Variants in MAP3K4 observed in about 807,000 individuals in gnomAD.
The protein encoded by MAP3K4 is MAP three kinase 1.
Under a neutral mutation model 185.6 loss-of-function variants are expected in MAP3K4, and 67 were observed. That is an observed-to-expected ratio of 0.36 (90% CI 0.30 to 0.44). The LOEUF is 0.44. Among genes scored for constraint, MAP3K4 ranks in the 20% least tolerant of loss-of-function variants. The probability of loss-of-function intolerance (pLI) is 1.00; values close to 1 mark genes in which losing one functional copy is unlikely to be tolerated. For synonymous variants in MAP3K4, 702 were observed against 710.4 expected, an observed-to-expected ratio of 0.99 and a Z score of 0.19; for missense variants, 1,551 against 1,995.1, an observed-to-expected ratio of 0.78 and a Z score of 4.24.
chr6:161,031,033 GTTTTGTCTTATTTTAATAT>G (rs1241419942), intron 1 of MAP3K4, among the ~76,000 whole-genome samples: 3 of 152,116 alleles, frequency 2.0e-5, no homozygotes, highest in African/African-American at 7.2e-5. Context: ...AATATACTGT[GTTTTGTCTTATTTTAATAT>G]TTTGTTTATG....
chr6:161,085,513 G>A lies in MAP3K4; in HGVS notation c.2373-866G>A, dbSNP rs142012157. Reference sequence around the variant, plus strand: ...GTCATATGAGTCAAACTTGGCGAAAGCTCATATAGAACTGACTTCTCCAAA... The same window carrying A: ...GTCATATGAGTCAAACTTGGCGAAAACTCATATAGAACTGACTTCTCCAAA... On this transcript the variant is annotated intron_variant, in intron 7 of 26. Coordinates refer to ENST00000392142, the MANE Select transcript of MAP3K4 (RefSeq NM_005922.4). Among the ~76,000 whole-genome samples, 162 of 152,314 alleles carry A rather than the reference G, an allele frequency of 1.1e-3. 1 individual carries two copies. The highest frequency in any genetic ancestry group is 3.8e-3 in the African/African-American group (158 of 41,574).
intron 1 of MAP3K4, among the ~76,000 whole-genome samples, chr6:161,002,411 G>C (rs1781363897): frequency 6.6e-6 from 1 of 152,058 alleles, no homozygotes; most frequent in African/African-American, 2.4e-5. Context: ...AATAAAACTA[G>C]ATTGATCTAG....
Position 161,076,266 on chromosome 6 carries a change from C to T in MAP3K4, c.2097+2654C>T. ...AGCTGAGCCTGTCTCTCCAGGGATTCTGTTGTTGACTGAAGAGCTGCCCGA... is the reference window on the plus strand; with the variant it reads ...AGCTGAGCCTGTCTCTCCAGGGATTTTGTTGTTGACTGAAGAGCTGCCCGA... On this transcript the variant is annotated intron_variant, in intron 5 of 26. Coordinates refer to ENST00000392142, the MANE Select transcript of MAP3K4 (RefSeq NM_005922.4). The surrounding 1 kb of genome is among the most constrained non-coding windows in gnomAD (Gnocchi z 4.2). 6.6e-6 allele frequency among the ~76,000 whole-genome samples: 1 copy of T among 152,168 alleles called. No individual in the cohort carries two copies. Among genetic ancestry groups the T allele is most frequent in the South Asian group, 2.1e-4 (1 of 4,834 alleles).
At chr6:161,078,404 G>A (rs1411841944) in intron 5 of MAP3K4, among the ~76,000 whole-genome samples, 2 of 152,212 alleles carry the variant, frequency 1.3e-5, no homozygotes, top group East Asian at 1.9e-4. Flanking sequence ...TAGCAGTGCA[G>A]TTGAAAGGAT....
Position 161,102,742 on chromosome 6 carries a change from A to G in MAP3K4, c.3819A>G (p.Arg1273=). Residue 1273 remains arginine, a synonymous_variant, in exon 19 of 27, where the codon AGA becomes AGG. Transcript: ENST00000392142. ...PRGDSSGSTR[R]SWELRTLISQ... is the part of the protein sequence containing the mutation. Reference sequence around the variant, plus strand: ...GAGATTCAAGTGGGTCCACAAGAAGAAGTTGGGAACTTCGGACACTAATCA... The same window carrying G: ...GAGATTCAAGTGGGTCCACAAGAAGGAGTTGGGAACTTCGGACACTAATCA... The G allele has an allele frequency of 6.2e-7, 1 of 1,602,472 alleles. No homozygotes were observed. The highest frequency in any genetic ancestry group is 8.5e-7 in the Non-Finnish European group (1 of 1,176,632).
rs1369871458 is a variant in MAP3K4, at chr6:161,051,829, T to C, written c.1707+1850T>C. Among the ~76,000 whole-genome samples, 1 of 152,222 alleles carries C rather than the reference T, an allele frequency of 6.6e-6. No homozygotes were observed. Among genetic ancestry groups the C allele is most frequent in the South Asian group, 2.1e-4 (1 of 4,830 alleles). On this transcript the variant is annotated intron_variant, in intron 3 of 26. Coordinates refer to ENST00000392142, the MANE Select transcript of MAP3K4 (RefSeq NM_005922.4). This position sits in a 1 kb window ranked among gnomAD's most constrained non-coding sequence, Gnocchi z 4.2. The stretch of plus-strand genomic sequence containing the variant: ...GTAAATGCTGTGTAAATAGTTGTTA[T>C]ACTGTATCTTTTTTGTTTGTATTAT...
chr6:161,108,214 A>G lies in MAP3K4; in HGVS notation c.4119+245A>G, dbSNP rs1187274356. Among the ~76,000 whole-genome samples the G allele has an allele frequency of 1.3e-5, 2 of 152,218 alleles. No individual in the cohort carries two copies. Among genetic ancestry groups the G allele is most frequent in the Admixed American group, 1.3e-4 (2 of 15,284 alleles). On this transcript the variant is annotated intron_variant, in intron 21 of 26. Transcript: ENST00000392142. The surrounding 1 kb of genome is among the most constrained non-coding windows in gnomAD (Gnocchi z 5.7). The stretch of plus-strand genomic sequence containing the variant: ...AACAGCACAGGTGTGAGAAGGGCCT[A>G]TGAGGGTGGCAGAGCTGAGTCTGAT...
rs60792086 is a variant in MAP3K4 at position 161,065,909 on chromosome 6, G to A, written c.1708-4699G>A. The stretch of plus-strand genomic sequence containing the variant: ...GCCGAGATCGCGCCACTGCACTCCA[G>A]CCTGGGCAAAAGAGCAAGACTCCGT... On this transcript the variant is annotated intron_variant, in intron 3 of 26. Transcript: ENST00000392142. 9.5e-3 allele frequency among the ~76,000 whole-genome samples: 1,074 copies of A among 113,072 alleles called. 17 individuals are homozygous for A. The Middle Eastern group carries it at 0.12, about 12-fold the overall frequency. The allele number at this position is 113,072 out of a possible 152,430, so 74.2% of individuals were successfully genotyped here.
In MAP3K4 at chr6:161,111,840, C is replaced by G; in HGVS notation, c.4401C>G (p.Ala1467=). The G allele has an allele frequency of 1.2e-6, 2 of 1,611,846 alleles. No individual in the cohort carries two copies. The highest frequency in any genetic ancestry group is 1.7e-6 in the Non-Finnish European group (2 of 1,178,948). ...AACTACTTCTTTTCTTTTTAGGTGC[C>G]AATATCTTCCTTACCTCATCTGGAT... The part of the protein sequence containing the change: ...HGIVHRDIKG[A]NIFLTSSGLI... The change falls in exon 24 of 27, where the codon GCC becomes GCG. Residue 1467 remains alanine (A), a synonymous_variant. Transcript: ENST00000392142.
At position 160,992,009 on chromosome 6, in the gene MAP3K4, GCCA is replaced by G; in HGVS notation, c.81_83del (p.Pro36del). ...CTGCCGCCGCCATGGAGGAGCCGCC[GCCA>G]CCGCCGCCGCCGCCACCACCGCCAC... On this transcript the variant is annotated inframe_deletion, in exon 1 of 27. Coordinates refer to ENST00000392142, the MANE Select transcript of MAP3K4 (RefSeq NM_005922.4). 3.3e-6 allele frequency: 5 copies of G among 1,504,552 alleles called. No homozygotes were observed. The highest frequency in any genetic ancestry group is 3.6e-6 in the Non-Finnish European group (4 of 1,115,130). The allele number at this position is 1,504,552 out of a possible 1,614,324, so 93.2% of individuals were successfully genotyped here.
In MAP3K4 at chr6:161,098,319, CT is replaced by C. The variant is rs1170278495; in HGVS notation, c.3567del (p.Ala1190LeufsTer49). The C allele has an allele frequency of 7.6e-4, 4 of 5,252 alleles. No homozygotes were observed. The highest frequency in any genetic ancestry group is 8.7e-4 in the Non-Finnish European group (4 of 4,586). 0.3% of individuals were successfully genotyped at this position (5,252 alleles called of 1,614,324 possible). A position where few individuals can be genotyped will look rare whatever the true frequency, so the allele number is the denominator to read the frequency against. ...MPSDARSHGS[P>X]AAAAAAAAAA... Reference sequence around the variant, plus strand: ...TCCGACGCGCGGAGCCATGGCAGCCCTGCTGCTGCTGCTGCTGCTGCTGCTG... The same window carrying C: ...TCCGACGCGCGGAGCCATGGCAGCCCGCTGCTGCTGCTGCTGCTGCTGCTG... On this transcript the variant is annotated frameshift_variant, in exon 17 of 27. Transcript: ENST00000392142. LOFTEE classifies it high-confidence loss of function. This position sits in a 1 kb window ranked among gnomAD's most constrained non-coding sequence, Gnocchi z 4.4.
At chr6:161,031,069 T>C (rs1782905559) in intron 1 of MAP3K4, among the ~76,000 whole-genome samples, 1 of 152,230 alleles carries the variant, frequency 6.6e-6, no homozygotes. Context: ...TATGACAGTA[T>C]TCATCTTCGT....
At position 161,112,862 on chromosome 6, in the gene MAP3K4, C is replaced by A; in HGVS notation, c.4626+88C>A. 1.2e-6 allele frequency: 1 copy of A among 819,664 alleles called. No individual in the cohort carries two copies. Among genetic ancestry groups the A allele is most frequent in the Non-Finnish European group, 1.8e-6 (1 of 558,824 alleles). The allele number at this position is 819,664 out of a possible 1,614,324, so 50.8% of individuals were successfully genotyped here. A position where few individuals can be genotyped will look rare whatever the true frequency, so the allele number is the denominator to read the frequency against. On this transcript the variant is annotated intron_variant, in intron 25 of 26. Coordinates refer to ENST00000392142, the MANE Select transcript of MAP3K4 (RefSeq NM_005922.4). This position sits in a 1 kb window ranked among gnomAD's most constrained non-coding sequence, Gnocchi z 5.1. ...GTAGTTATGGATTGATTATTTATTACAAACACTGTGGACACTAAATAGCGA... is the reference window on the plus strand; with the variant it reads ...GTAGTTATGGATTGATTATTTATTAAAAACACTGTGGACACTAAATAGCGA...
chr6:161,091,041 A>C lies in MAP3K4; in HGVS notation c.2974-338A>C, dbSNP rs1451007232. ...CATCTAGAAGTACATGGACTTTTTC[A>C]CTCTGTGGAATTGCACCCGTACTTA... On this transcript the variant is annotated intron_variant, in intron 11 of 26. Coordinates refer to ENST00000392142, the MANE Select transcript of MAP3K4 (RefSeq NM_005922.4). The surrounding 1 kb of genome is among the most constrained non-coding windows in gnomAD (Gnocchi z 5.5). Among the ~76,000 whole-genome samples the C allele has an allele frequency of 6.6e-6, 1 of 152,054 alleles. No homozygotes were observed. The highest frequency in any genetic ancestry group is 1.5e-5 in the Non-Finnish European group (1 of 68,012).
intron 1 of MAP3K4, among the ~76,000 whole-genome samples, chr6:161,006,853 C>A (rs1475963553): frequency 6.6e-6 from 1 of 152,046 alleles, no homozygotes; most frequent in Non-Finnish European, 1.5e-5. Flanking sequence ...GTCCCGAGAT[C>A]TGCTTCTTGG....
intron 1 of MAP3K4, among the ~76,000 whole-genome samples, chr6:161,002,880 C>T (rs541508353): frequency 7.6e-4 from 115 of 152,206 alleles, no homozygotes; most frequent in African/African-American, 2.6e-3. Context: ...CGTGAGCTCC[C>T]GCACCCGGCC....
chr6:161,028,901 A>G (rs1782794103), intron 1 of MAP3K4, among the ~76,000 whole-genome samples: 1 of 152,162 alleles, frequency 6.6e-6, no homozygotes, highest in African/African-American at 2.4e-5. Context: ...TGATAAATTG[A>G]CTCGTGTAAT....
intron 1 of MAP3K4, among the ~76,000 whole-genome samples, chr6:161,028,549 C>G (rs1288751738): frequency 2.0e-5 from 3 of 152,184 alleles, no homozygotes; most frequent in Admixed American, 1.3e-4. Context: ...AACACATAAT[C>G]TGCACCAGCC....
In MAP3K4 at chr6:161,049,614, G is replaced by C. The variant is rs1402053877; in HGVS notation, c.1342G>C (p.Glu448Gln). ...NEPEYEGDDT[E>Q]GELKELESST... ...GCCGGAGTATGAGGGTGATGACACA[G>C]AAGGAGAATTAAAGGAGTTGGAAAG... is the stretch of plus-strand genomic sequence containing the variant. Residue 448 changes from glutamate to glutamine, a missense_variant, in exon 3 of 27, where the codon GAA (glutamate) becomes CAA (glutamine). By Grantham distance (29) the Glu-to-Gln change is conservative. Coordinates refer to ENST00000392142, the MANE Select transcript of MAP3K4 (RefSeq NM_005922.4). This position sits in a 1 kb window ranked among gnomAD's most constrained non-coding sequence, Gnocchi z 8.4. The C allele has an allele frequency of 3.7e-6, 6 of 1,614,194 alleles. No homozygotes were observed. The highest frequency in any genetic ancestry group is 5.1e-6 in the Non-Finnish European group (6 of 1,180,028).
Sources: allele counts gnomAD v4.1 joint callset (sites outside exome capture counted in the v4.1 genomes callset), GRCh38; gene constraint gnomAD v4.1.1; non-coding constraint Gnocchi (gnomAD v3.1); transcripts MANE v1.5; gene names NCBI Gene and HGNC (gene_info 2026-07-23, HGNC 2026-07-21).